Variants in PTP4A3 observed in about 807,000 individuals in gnomAD.
PTP4A3 encodes protein tyrosine phosphatase type IVA 3.
In PTP4A3, 9 loss-of-function variants were observed where a neutral mutation model predicts 15.2. The observed-to-expected ratio is 0.59, with a 90% CI of 0.36 to 1.03. PTP4A3 has a LOEUF of 1.03. Ranked by LOEUF, PTP4A3 falls within the 50% of genes least tolerant of loss-of-function variation. The pLI is 0.02. For missense variants in PTP4A3, 234 were observed against 252.1 expected (o/e 0.93, Z 0.49); for synonymous variants, 95 against 102.0 (o/e 0.93, Z 0.41).
chr8:141,408,080 A>C lies in PTP4A3; in HGVS notation c.-853-13308A>C, dbSNP rs1359670083. On this transcript the variant is annotated intron_variant, in intron 1 of 5. Transcript: ENST00000521578. ...CAGGCTGCGCCGTGGCTGAGCCTTT[A>C]CGACGCCAGGAGAAGCGAAAGGAAC... Among the ~76,000 whole-genome samples, 3 of 152,218 alleles carry C rather than the reference A, an allele frequency of 2.0e-5. No homozygotes were observed. In the East Asian group the frequency reaches 5.8e-4, roughly 29 times the overall value.
At chr8:141,407,568 ATTT>A (rs34070633) in intron 1 of PTP4A3, among the ~76,000 whole-genome samples, 3 of 139,864 alleles carry the variant, frequency 2.1e-5, no homozygotes, top group Non-Finnish European at 1.5e-5. Flanking sequence ...TAAACTTTCT[ATTT>A]TTTTTTTTTT....
chr8:141,410,115 G>T (rs1586545598), intron 1 of PTP4A3, among the ~76,000 whole-genome samples: 1 of 152,248 alleles, frequency 6.6e-6, no homozygotes, highest in East Asian at 1.9e-4. Flanking sequence ...CACATGGCCT[G>T]CCTGCCACCC....
chr8:141,402,776 C>G (rs1208018012), intron 1 of PTP4A3, among the ~76,000 whole-genome samples: 1 of 151,070 alleles, frequency 6.6e-6, no homozygotes. Context: ...AAGGTGCCTA[C>G]TCATGATCGT....
At chr8:141,423,213 T>C (rs1300636078) in intron 2 of PTP4A3, among the ~76,000 whole-genome samples, 6 of 152,214 alleles carry the variant, frequency 3.9e-5, no homozygotes, top group African/African-American at 9.6e-5. Flanking sequence ...GCAGGAGGCA[T>C]TGGGCACCTT....
At chr8:141,402,780 T>C (rs1343844136) in intron 1 of PTP4A3, among the ~76,000 whole-genome samples, 2 of 148,684 alleles carry the variant, frequency 1.3e-5, no homozygotes, top group African/African-American at 5.0e-5. Flanking sequence ...TGCCTACTCA[T>C]GATCGTCTTG....
intron 1 of PTP4A3, among the ~76,000 whole-genome samples, chr8:141,396,670 G>T (rs1310484070): frequency 6.6e-6 from 1 of 152,198 alleles, no homozygotes; most frequent in Non-Finnish European, 1.5e-5. Flanking sequence ...TGGCCAGGAA[G>T]AGATGAGGTG....
At chr8:141,402,361 G>A (rs1832614438) in intron 1 of PTP4A3, among the ~76,000 whole-genome samples, 1 of 152,212 alleles carries the variant, frequency 6.6e-6, no homozygotes, top group Admixed American at 6.5e-5. Context: ...GACCCTCCTG[G>A]AGTGGGCTCA....
intron 1 of PTP4A3, among the ~76,000 whole-genome samples, chr8:141,417,988 G>T (rs1833132419): frequency 1.3e-5 from 2 of 151,982 alleles, no homozygotes; most frequent in Admixed American, 1.3e-4. Flanking sequence ...AGGCCGGCGC[G>T]TATGGAGGCG....
intron 3 of PTP4A3, 144 bp from the exon 4 acceptor site, chr8:141,426,795 G>C: frequency 7.0e-7 from 1 of 1,424,294 alleles, no homozygotes; most frequent in South Asian, 1.4e-5. Flanking sequence ...TGCCCCTCCT[G>C]TGTGCCCTCT....
rs181615909 is a variant in PTP4A3 at position 141,406,274 on chromosome 8, C to T, written c.-854+14190C>T. The stretch of plus-strand genomic sequence containing the variant: ...TGCTTCCTGCCCCATCTGGGGATTC[C>T]GGGGACTTTCCATTTCCTCACCTTG... On this transcript the variant is annotated intron_variant, in intron 1 of 5. Coordinates refer to ENST00000521578, the MANE Select transcript of PTP4A3 (RefSeq NM_032611.3). The surrounding 1 kb of genome is among the most constrained non-coding windows in gnomAD (Gnocchi z 4.5). 1.6e-3 allele frequency among the ~76,000 whole-genome samples: 245 copies of T among 152,198 alleles called. No individual in the cohort carries two copies. Among genetic ancestry groups the T allele is most frequent in the African/African-American group, 5.4e-3 (224 of 41,528 alleles).
At chr8:141,398,477 G>T (rs970811565) in intron 1 of PTP4A3, among the ~76,000 whole-genome samples, 2 of 152,152 alleles carry the variant, frequency 1.3e-5, no homozygotes, top group Non-Finnish European at 2.9e-5. Flanking sequence ...GGAGTGGCAG[G>T]AACCAGGGAA....
In PTP4A3 at chr8:141,427,837, G is replaced by A. The variant is rs542881966; in HGVS notation, c.404+13G>A. ...AGTTCATCCGCCAGTGAGTGGCCGCGGTGGTGGGGTGGGCTGTGAGCGCTG... is the reference window on the plus strand; with the variant it reads ...AGTTCATCCGCCAGTGAGTGGCCGCAGTGGTGGGGTGGGCTGTGAGCGCTG... On this transcript the variant is annotated intron_variant, in intron 5 of 5. Transcript: ENST00000521578. 1.8e-5 allele frequency: 28 copies of A among 1,547,846 alleles called. No homozygotes were observed. Among genetic ancestry groups the A allele is most frequent in the South Asian group, 1.8e-4 (15 of 83,988 alleles).
chr8:141,403,364 A>G (rs1298166335), intron 1 of PTP4A3, among the ~76,000 whole-genome samples: 1 of 152,228 alleles, frequency 6.6e-6, no homozygotes, highest in Middle Eastern at 3.4e-3. Context: ...CTGGTCTGAG[A>G]GTCCCGAGCC....
Position 141,426,681 on chromosome 8 carries a change from G to T in PTP4A3, c.199-258G>T, listed in dbSNP as rs572482258. On this transcript the variant is annotated intron_variant, in intron 3 of 5. Transcript: ENST00000521578. The stretch of plus-strand genomic sequence containing the variant: ...TGGAGCAGGCTCTATTCAGAAAGGG[G>T]TGGGGTGGTCCAGGAAGGCTTCCTG... The T allele has an allele frequency of 4.1e-5, 40 of 985,188 alleles. No individual in the cohort carries two copies. In the Admixed American group the frequency reaches 5.5e-4, roughly 14 times the overall value. 61.0% of individuals were successfully genotyped at this position (985,188 alleles called of 1,614,324 possible).
intron 3 of PTP4A3, chr8:141,426,587 C>T (rs1232950263): frequency 6.1e-6 from 6 of 985,414 alleles, no homozygotes; most frequent in Non-Finnish European, 4.8e-6. Flanking sequence ...GGCACACAGG[C>T]GTGAGGGATT....
At chr8:141,423,641 A>G (rs1468696513) in intron 2 of PTP4A3, among the ~76,000 whole-genome samples, 2 of 144,204 alleles carry the variant, frequency 1.4e-5, no homozygotes, top group East Asian at 4.0e-4. Context: ...TCAGTGTTTG[A>G]CCAGGATCAG....
Position 141,426,818 on chromosome 8 carries a change from C to A in PTP4A3, c.199-121C>A, listed in dbSNP as rs989442639. ...CTGTGTGCCCTCTGGGTCTGCTGCC[C>A]CCACCCTAGTGGGCTCCTGGCACCC... On this transcript the variant is annotated intron_variant, in intron 3 of 5. Transcript: ENST00000521578. 10 of 1,459,706 alleles carry A rather than the reference C, an allele frequency of 6.9e-6. No individual in the cohort carries two copies. The African/African-American group carries it at 1.4e-4, about 21-fold the overall frequency. The allele number at this position is 1,459,706 out of a possible 1,614,324, so 90.4% of individuals were successfully genotyped here.
chr8:141,417,923 G>A (rs932642179), intron 1 of PTP4A3, among the ~76,000 whole-genome samples: 2 of 151,860 alleles, frequency 1.3e-5, no homozygotes, highest in East Asian at 1.9e-4. Context: ...CCTGGAGCCG[G>A]CTCCGCGGCG....
chr8:141,392,954 C>A (rs1254295263), intron 1 of PTP4A3, among the ~76,000 whole-genome samples: 3 of 152,174 alleles, frequency 2.0e-5, no homozygotes, highest in African/African-American at 7.2e-5. Context: ...TCTCTGCCTG[C>A]GGGCTCTGGG....
Sources: allele counts gnomAD v4.1 joint callset (sites outside exome capture counted in the v4.1 genomes callset), GRCh38; gene constraint gnomAD v4.1.1; non-coding constraint Gnocchi (gnomAD v3.1); transcripts MANE v1.5; gene names NCBI Gene and HGNC (gene_info 2026-07-23, HGNC 2026-07-21).